The following AUTS2 variants were observed in gnomAD, a reference collection of about 807,000 sequenced individuals.
AUTS2 encodes activator of transcription and developmental regulator AUTS2.
A neutral mutation model predicts 112.4 loss-of-function variants in AUTS2; 17 were observed. That is an observed-to-expected ratio of 0.15 (90% CI 0.10 to 0.23). AUTS2 has a LOEUF of 0.23. Among genes scored for constraint, AUTS2 ranks in the 10% least tolerant of loss-of-function variants. The probability of loss-of-function intolerance (pLI) is 1.00; values close to 1 mark genes in which losing one functional copy is unlikely to be tolerated. For missense variants in AUTS2, 1,510 were observed against 1,701.6 expected (o/e 0.89, Z 1.98); for synonymous variants, 751 against 702.7 (o/e 1.07, Z -1.09).
At chr7:70,089,730 C>T (rs142718498) in intron 2 of AUTS2, among the ~76,000 whole-genome samples, 48 of 152,042 alleles carry the variant, frequency 3.2e-4, no homozygotes, top group African/African-American at 9.9e-4. Flanking sequence ...TTTTAAAGGC[C>T]GGGAGCAGTG....
At chr7:70,781,502 T>C in intron 14 of AUTS2, 113 bp from the exon 15 acceptor site, 1 of 1,311,562 alleles carries the variant, frequency 7.6e-7, no homozygotes, top group Non-Finnish European at 1.0e-6. Context: ...CTCACAGTGT[T>C]TGTAAACTTG....
At chr7:69,739,325 C>G (rs924156412) in intron 1 of AUTS2, among the ~76,000 whole-genome samples, 11 of 152,158 alleles carry the variant, frequency 7.2e-5, no homozygotes, top group Non-Finnish European at 1.3e-4. Context: ...AATAACTGAA[C>G]TTCTGATTCA....
chr7:69,926,503 C>T (rs1796021279), intron 2 of AUTS2, among the ~76,000 whole-genome samples: 1 of 151,970 alleles, frequency 6.6e-6, no homozygotes, highest in South Asian at 2.1e-4. Flanking sequence ...GCCTGCCTAC[C>T]TACCTACCTA....
intron 5 of AUTS2, among the ~76,000 whole-genome samples, chr7:70,483,081 G>C (rs1023785864): frequency 6.6e-6 from 1 of 152,124 alleles, no homozygotes; most frequent in African/African-American, 2.4e-5. Context: ...AAGGGTTGGA[G>C]ATCAAGCTTT....
rs566276517 is a variant in AUTS2 at position 70,169,342 on chromosome 7, G to A, written c.660+34771G>A. The stretch of plus-strand genomic sequence containing the variant: ...TGCAAGCTCTGCTTCCTGAGTTCAC[G>A]CCATTCTCTTGCCTCAGCCTCCCGA... On this transcript the variant is annotated intron_variant, in intron 4 of 18. Transcript: ENST00000342771. Among the ~76,000 whole-genome samples, 33 of 152,054 alleles carry A rather than the reference G, an allele frequency of 2.2e-4. 1 individual carries two copies. Among genetic ancestry groups the A allele is most frequent in the South Asian group, 2.1e-3 (10 of 4,818 alleles).
chr7:69,604,371 G>A (rs1356644360), intron 1 of AUTS2, among the ~76,000 whole-genome samples: 3 of 152,192 alleles, frequency 2.0e-5, no homozygotes, highest in Non-Finnish European at 4.4e-5. Context: ...TATGTACAAG[G>A]CACTAAGAAT....
intron 1 of AUTS2, among the ~76,000 whole-genome samples, chr7:69,683,557 A>G (rs946241646): frequency 2.0e-5 from 3 of 152,094 alleles, no homozygotes; most frequent in African/African-American, 7.2e-5. Context: ...TGTGTGACAG[A>G]GCAAAAACTA....
intron 1 of AUTS2, among the ~76,000 whole-genome samples, chr7:69,773,334 C>T (rs534975927): frequency 3.9e-5 from 6 of 151,982 alleles, no homozygotes; most frequent in African/African-American, 1.4e-4. Flanking sequence ...GCCTGGCCAA[C>T]GTGGCGAAAC....
At chr7:70,663,880 A>G (rs1217674847) in intron 5 of AUTS2, among the ~76,000 whole-genome samples, 2 of 152,200 alleles carry the variant, frequency 1.3e-5, no homozygotes, top group East Asian at 1.9e-4. Flanking sequence ...CATAATCACT[A>G]CCACATCTCA....
intron 2 of AUTS2, among the ~76,000 whole-genome samples, chr7:69,953,981 TAGAG>T (rs1797124339): frequency 6.6e-6 from 1 of 152,114 alleles, no homozygotes; most frequent in Non-Finnish European, 1.5e-5. Context: ...TCCTCTCTAT[TAGAG>T]AGAGGTGGAG....
chr7:69,630,745 A>G (rs1457516411), intron 1 of AUTS2, among the ~76,000 whole-genome samples: 1 of 152,162 alleles, frequency 6.6e-6, no homozygotes, highest in Non-Finnish European at 1.5e-5. Context: ...CCTAACTGTC[A>G]TGGACTTTAA....
At chr7:69,741,478 G>A (rs1370428489) in intron 1 of AUTS2, among the ~76,000 whole-genome samples, 1 of 152,184 alleles carries the variant, frequency 6.6e-6, no homozygotes, top group Non-Finnish European at 1.5e-5. Flanking sequence ...GCCAAGTTGG[G>A]CGGATTGCTT....
At chr7:70,105,257 TG>T (rs1436417694) in intron 2 of AUTS2, among the ~76,000 whole-genome samples, 22 of 152,072 alleles carry the variant, frequency 1.4e-4, no homozygotes, top group African/African-American at 5.3e-4. Flanking sequence ...ACTGCATATT[TG>T]TCTTTTGTTT....
rs773099444 is a variant in AUTS2, at chr7:70,220,127, C to T, written c.660+85556C>T. On this transcript the variant is annotated intron_variant, in intron 4 of 18. Transcript: ENST00000342771. ...CCACTCAGCTCTGATGTAGAGCAGCCGCAGTCATAGATAACGCAAAAATAA... is the reference window on the plus strand; with the variant it reads ...CCACTCAGCTCTGATGTAGAGCAGCTGCAGTCATAGATAACGCAAAAATAA... Among the ~76,000 whole-genome samples, 13 of 152,044 alleles carry T rather than the reference C, an allele frequency of 8.6e-5. 1 individual carries two copies. The South Asian group carries it at 1.0e-3, about 12-fold the overall frequency.
intron 2 of AUTS2, among the ~76,000 whole-genome samples, chr7:69,943,194 A>C (rs536445300): frequency 3.3e-5 from 5 of 152,226 alleles, no homozygotes; most frequent in African/African-American, 1.2e-4. Context: ...AAGTTTCCCT[A>C]TCTGTTAACT....
intron 5 of AUTS2, among the ~76,000 whole-genome samples, chr7:70,502,270 T>C (rs1420763670): frequency 2.0e-5 from 3 of 152,214 alleles, no homozygotes; most frequent in South Asian, 4.1e-4. Context: ...CAGCCATGTT[T>C]ATCTTGGCTC....
In AUTS2 at chr7:69,994,020, G is replaced by C. The variant is rs575876798; in HGVS notation, c.522+94522G>C. On this transcript the variant is annotated intron_variant, in intron 2 of 18. Coordinates refer to ENST00000342771, the MANE Select transcript of AUTS2 (RefSeq NM_015570.4). The stretch of plus-strand genomic sequence containing the variant: ...GCCCCAAGAAAGTCTCGCTTGTGAT[G>C]GTTGTATACATGGCCGTGTGGAGCT... Among the ~76,000 whole-genome samples the C allele has an allele frequency of 3.3e-5, 5 of 152,238 alleles. No individual in the cohort carries two copies. In the South Asian group the frequency reaches 1.0e-3, roughly 32 times the overall value.
intron 5 of AUTS2, among the ~76,000 whole-genome samples, chr7:70,610,422 T>C (rs1360955712): frequency 8.7e-6 from 1 of 114,420 alleles, no homozygotes; most frequent in Non-Finnish European, 1.8e-5. Context: ...TTAGCGCTCA[T>C]CTTTTTTTTT....
chr7:69,777,423 G>A (rs1233269461), intron 1 of AUTS2, among the ~76,000 whole-genome samples: 1 of 152,120 alleles, frequency 6.6e-6, no homozygotes, highest in African/African-American at 2.4e-5. Context: ...TTCTTTGGTT[G>A]ATTGAAGATC....
Sources: gnomAD v4.1 joint callset for allele counts (sites outside exome capture counted in the v4.1 genomes callset) on GRCh38, gnomAD v4.1.1 for gene constraint, MANE v1.5 for transcripts, NCBI Gene and HGNC (gene_info 2026-07-23, HGNC 2026-07-21) for gene names.